The following TMPRSS7 variants were observed in gnomAD, a reference collection of about 807,000 sequenced individuals.
TMPRSS7 encodes the protein transmembrane protease serine 7.
TMPRSS7 carries 81 observed loss-of-function variants against 95.6 expected under a neutral mutation model. The ratio of observed to expected loss-of-function variants is 0.85; its 90% confidence interval spans 0.71 to 1.02. The LOEUF (loss-of-function observed/expected upper bound fraction) is 1.02, where lower values mean the gene tolerates loss of function less well. Among genes scored for constraint, TMPRSS7 ranks in the 50% least tolerant of loss-of-function variants. The pLI is 0.00. For missense variants in TMPRSS7, 945 were observed against 955.2 expected (o/e 0.99, Z 0.14); for synonymous variants, 364 against 337.8 (o/e 1.08, Z -0.85).
chr3:112,036,362 A>G (rs1338265093), intron 1 of TMPRSS7, among the ~76,000 whole-genome samples: 1 of 152,212 alleles, frequency 6.6e-6, no homozygotes, highest in African/African-American at 2.4e-5. Flanking sequence ...TGAGGTCAAG[A>G]GTTCAAGACC....
chr3:112,068,005 G>A (rs1030724673), intron 13 of TMPRSS7, among the ~76,000 whole-genome samples: 4 of 152,196 alleles, frequency 2.6e-5, no homozygotes, highest in Non-Finnish European at 5.9e-5. Context: ...ATTAATTTTT[G>A]TATAAGGTGT....
chr3:112,063,892 A>G (rs1559960363), intron 12 of TMPRSS7, among the ~76,000 whole-genome samples: 1 of 152,160 alleles, frequency 6.6e-6, no homozygotes, highest in Non-Finnish European at 1.5e-5. Context: ...GGTTCTTCCA[A>G]TATTGGAATC....
chr3:112,079,464 C>T (rs1391307828), intron 17 of TMPRSS7, among the ~76,000 whole-genome samples: 1 of 152,180 alleles, frequency 6.6e-6, no homozygotes, highest in Non-Finnish European at 1.5e-5. Flanking sequence ...CACATGCAGC[C>T]CAGGACAGCT....
At chr3:112,066,421 T>C in exon 13 of TMPRSS7, 1 of 1,614,016 alleles carries the variant, frequency 6.2e-7, no homozygotes, top group Non-Finnish European at 8.5e-7. Flanking sequence ...CAATACCAGC[T>C]CCTTCAGGCA....
chr3:112,044,447 G>C, intron 4 of TMPRSS7, 125 bp downstream of exon 4: 1 of 778,722 alleles, frequency 1.3e-6, no homozygotes, highest in Non-Finnish European at 2.2e-6. Flanking sequence ...GATTCATACT[G>C]TATTAGCACA....
At chr3:112,054,454 T>C (rs1056438506) in intron 9 of TMPRSS7, among the ~76,000 whole-genome samples, 2 of 152,198 alleles carry the variant, frequency 1.3e-5, no homozygotes, top group Non-Finnish European at 2.9e-5. Flanking sequence ...CAGGTTAATA[T>C]AAGTAATGAC....
chr3:112,044,604 G>T (rs2073253796), intron 4 of TMPRSS7, among the ~76,000 whole-genome samples: 1 of 152,034 alleles, frequency 6.6e-6, no homozygotes, highest in African/African-American at 2.4e-5. Flanking sequence ...TATCATATTG[G>T]GTGGAGGGTG....
At chr3:112,066,616 T>C (rs781475945) in intron 13 of TMPRSS7, 114 bp downstream of exon 13, 5 of 922,472 alleles carry the variant, frequency 5.4e-6, no homozygotes, top group South Asian at 3.1e-5. Context: ...CCAGGTTCTC[T>C]GGAACTTCTC....
chr3:112,073,612 T>C (rs1344896631), intron 13 of TMPRSS7, among the ~76,000 whole-genome samples: 2 of 152,234 alleles, frequency 1.3e-5, no homozygotes, highest in Non-Finnish European at 2.9e-5. Flanking sequence ...TAAATTTGTT[T>C]GAGTTCTTTG....
At chr3:112,043,366 A>G (rs2073236697) in intron 3 of TMPRSS7, among the ~76,000 whole-genome samples, 1 of 152,186 alleles carries the variant, frequency 6.6e-6, no homozygotes, top group Non-Finnish European at 1.5e-5. Context: ...CCAAAATGTC[A>G]TGTGGCATAT....
chr3:112,075,421 T>A (rs758089009), exon 15 of TMPRSS7: 2 of 1,553,810 alleles, frequency 1.3e-6, no homozygotes, highest in Non-Finnish European at 1.7e-6. Context: ...TTGTTGGATC[T>A]GCCTACTGTG....
intron 17 of TMPRSS7, among the ~76,000 whole-genome samples, chr3:112,080,440 T>C (rs1334433829): frequency 6.6e-6 from 1 of 152,178 alleles, no homozygotes; most frequent in African/African-American, 2.4e-5. Context: ...CCTTCCAAGA[T>C]AACCATGCCT....
At chr3:112,039,620 T>C (rs547813168) in intron 2 of TMPRSS7, 14 of 152,306 alleles carry the variant, frequency 9.2e-5, no homozygotes, top group African/African-American at 3.4e-4. Context: ...ACATATCCAG[T>C]TGCTGGGAGG....
intron 9 of TMPRSS7, among the ~76,000 whole-genome samples, chr3:112,051,245 A>C (rs915215567): frequency 6.6e-6 from 1 of 152,198 alleles, no homozygotes; most frequent in African/African-American, 2.4e-5. Flanking sequence ...AACAATAAAC[A>C]ATAACACAAA....
At chr3:112,035,186 A>C (rs905629853) in intron 1 of TMPRSS7, among the ~76,000 whole-genome samples, 8 of 152,222 alleles carry the variant, frequency 5.3e-5, no homozygotes, top group East Asian at 1.9e-4. Context: ...GTGTTTCTGC[A>C]CTTAAAAGAT....
exon 8 of TMPRSS7, chr3:112,049,970 A>G: frequency 2.6e-6 from 4 of 1,553,540 alleles, no homozygotes; most frequent in Non-Finnish European, 3.5e-6. Flanking sequence ...TCATTCCAGA[A>G]CAAAGTAAGT....
intron 10 of TMPRSS7, among the ~76,000 whole-genome samples, chr3:112,060,999 A>C (rs2107751727): frequency 6.6e-6 from 1 of 152,276 alleles, no homozygotes; most frequent in Non-Finnish European, 1.5e-5. Context: ...CCCTCCATTC[A>C]GGGTCCCTGA....
intron 10 of TMPRSS7, among the ~76,000 whole-genome samples, chr3:112,060,007 T>C (rs1186847978): frequency 6.6e-6 from 1 of 151,894 alleles, no homozygotes; most frequent in Admixed American, 6.6e-5. Flanking sequence ...GGTTGAGAAA[T>C]AAAGGGACAG....
At chr3:112,065,350 AT>A (rs2073562704) in intron 12 of TMPRSS7, among the ~76,000 whole-genome samples, 1 of 152,236 alleles carries the variant, frequency 6.6e-6, no homozygotes, top group East Asian at 1.9e-4. Context: ...TTTATACCTT[AT>A]TTTTTTAATT....
Sources: allele counts gnomAD v4.1 joint callset (sites outside exome capture counted in the v4.1 genomes callset), GRCh38; gene constraint gnomAD v4.1.1; transcripts MANE v1.5; gene names NCBI Gene and HGNC (gene_info 2026-07-23, HGNC 2026-07-21).